The following SYNE1 variants were observed in gnomAD, a reference collection of about 807,000 sequenced individuals.
The protein encoded by SYNE1 is spectrin repeat containing nuclear envelope protein 1, also known as nesprin-1.
In SYNE1, 616 loss-of-function variants were observed where a neutral mutation model predicts 1,111.0. That is an observed-to-expected ratio of 0.55 (90% CI 0.52 to 0.59). The LOEUF (loss-of-function observed/expected upper bound fraction) is 0.59. Among genes scored for constraint, SYNE1 ranks in the 20% least tolerant of loss-of-function variants. The pLI is 0.00. For synonymous variants in SYNE1, 3,855 were observed against 3,825.8 expected, an observed-to-expected ratio of 1.01 and a Z score of -0.28; for missense variants, 10,006 against 10,417.0, an observed-to-expected ratio of 0.96 and a Z score of 1.72.
Position 152,416,911 on chromosome 6 carries a change from C to A in SYNE1, c.5526G>T (p.Leu1842=), listed in dbSNP as rs757981824. ...GGAAGCAGTCCTCAGCCTTTCCCTG[C>A]AGGAGGTGGAGGTCCTCAGCACGGC... ...SLGRAEDLHL[L]QGKAEDCFQL... is the part of the protein sequence containing the mutation. The change falls in exon 41 of 146, where the codon CTG becomes CTT. Residue 1842 remains leucine, a synonymous_variant. Coordinates refer to ENST00000367255, the MANE Select transcript of SYNE1 (RefSeq NM_182961.4). 3.1e-6 allele frequency: 5 copies of A among 1,613,992 alleles called. No homozygotes were observed. The highest frequency in any genetic ancestry group is 1.1e-5 in the South Asian group (1 of 91,060).
At position 152,224,575 on chromosome 6, in the gene SYNE1, C is replaced by T. The variant is rs746811402; in HGVS notation, c.21441G>A (p.Met7147Ile). The T allele has an allele frequency of 6.2e-7, 1 of 1,613,958 alleles. No individual in the cohort carries two copies. The highest frequency in any genetic ancestry group is 8.5e-7 in the Non-Finnish European group (1 of 1,179,946). Residue 7147 changes from methionine to isoleucine, a missense_variant, in exon 117 of 146, where the codon ATG (methionine) becomes ATA (isoleucine). Transcript: ENST00000367255. Reference protein sequence around the residue: ...VAFDKINSYLMEARYSLSRFR... With the variant: ...VAFDKINSYLIEARYSLSRFR... ...ATCGGGAAAGAGAGTATCTGGCCTCCATGAGGTAACTGTTTATCTTGTCAA... is the reference window on the plus strand; with the variant it reads ...ATCGGGAAAGAGAGTATCTGGCCTCTATGAGGTAACTGTTTATCTTGTCAA...
chr6:152,598,495 T>C (rs2099588243), intron 3 of SYNE1, among the ~76,000 whole-genome samples: 1 of 152,244 alleles, frequency 6.6e-6, no homozygotes, highest in Non-Finnish European at 1.5e-5. Context: ...ACAATTCTTC[T>C]TTAAGTAATT....
rs142251671 is a variant in SYNE1 at position 152,278,182 on chromosome 6, G to A, written c.18480C>T (p.Asp6160=). 91 of 1,613,996 alleles carry A rather than the reference G, an allele frequency of 5.6e-5. No individual in the cohort carries two copies. The highest frequency in any genetic ancestry group is 5.3e-4 in the African/African-American group (40 of 74,900). Residue 6160 remains aspartate (D), a synonymous_variant, in exon 98 of 146, where the codon GAC becomes GAT. Transcript: ENST00000367255. ...LLLEGKAHTK[D]EAEQLAGKLR... is the part of the protein sequence containing the mutation. ...GCTTTCCAGCCAGCTGCTCGGCCTC[G>A]TCCTTGGTGTGAGCTTTGCCCTCCA...
intron 112 of SYNE1, among the ~76,000 whole-genome samples, chr6:152,232,933 G>C (rs1289825277): frequency 1.3e-5 from 2 of 152,194 alleles, no homozygotes; most frequent in African/African-American, 2.4e-5. Context: ...TGCCCTCTGG[G>C]GGCGCACAGC....
chr6:152,412,689 T>C (rs1268926130), intron 42 of SYNE1, among the ~76,000 whole-genome samples: 1 of 152,106 alleles, frequency 6.6e-6, no homozygotes, highest in Non-Finnish European at 1.5e-5. Flanking sequence ...ACTGATAGCA[T>C]TGCGTATGAA....
intron 3 of SYNE1, among the ~76,000 whole-genome samples, chr6:152,558,182 G>GA (rs2099378879): frequency 6.6e-6 from 1 of 151,872 alleles, no homozygotes; most frequent in African/African-American, 2.4e-5. Context: ...TTACCACAAA[G>GA]AAAAAATCTG....
intron 75 of SYNE1, 125 bp downstream of exon 75, chr6:152,339,116 G>T: frequency 8.0e-7 from 1 of 1,254,664 alleles, no homozygotes; most frequent in African/African-American, 1.5e-5. Context: ...TATTATAATG[G>T]CTGTAGAACC....
chr6:152,531,367 G>A (rs898108395), intron 4 of SYNE1, among the ~76,000 whole-genome samples: 8 of 152,140 alleles, frequency 5.3e-5, no homozygotes, highest in African/African-American at 1.9e-4. Context: ...TACATTGGTG[G>A]GTAGAGGACA....
intron 107 of SYNE1, among the ~76,000 whole-genome samples, chr6:152,241,500 C>CTGTGTGTG (rs1231628952): frequency 0.088 from 6,502 of 74,102 alleles, 240 homozygotes; most frequent in Non-Finnish European, 0.1. Context: ...AATGCAAGAG[C>CTGTGTGTG]TGTGTGTGTG....
chr6:152,152,081 G>A lies in SYNE1; in HGVS notation c.24190C>T (p.Arg8064Cys), dbSNP rs753271124. 2.5e-6 allele frequency: 4 copies of A among 1,614,148 alleles called. No individual in the cohort carries two copies. Among genetic ancestry groups the A allele is most frequent in the East Asian group, 2.2e-5 (1 of 44,886 alleles). ...TQLELINKQY[R>C]RLARENRTDS... ...GTGCGGTTCTCCCTGGCCAGGCGGC[G>A]GTACTGCTTGTTGATCAGTTCCAGC... is the stretch of plus-strand genomic sequence containing the variant. Residue 8064 changes from arginine to cysteine, a missense_variant, in exon 134 of 146, where the codon CGC becomes TGC. Physicochemically the swap from Arg to Cys is radical, Grantham distance 180. Transcript: ENST00000367255.
At chr6:152,175,802 T>G (rs1464438680) in intron 130 of SYNE1, among the ~76,000 whole-genome samples, 1 of 152,188 alleles carries the variant, frequency 6.6e-6, no homozygotes, top group Non-Finnish European at 1.5e-5. Context: ...TTTTTCTTTT[T>G]GACTTTCATC....
intron 3 of SYNE1, among the ~76,000 whole-genome samples, chr6:152,599,896 G>T (rs957792704): frequency 6.6e-6 from 1 of 152,188 alleles, no homozygotes; most frequent in Non-Finnish European, 1.5e-5. Flanking sequence ...TACATGAAAT[G>T]ATATCTGGTA....
chr6:152,498,341 C>T (rs866986579), intron 11 of SYNE1, among the ~76,000 whole-genome samples: 2 of 152,214 alleles, frequency 1.3e-5, no homozygotes, highest in Non-Finnish European at 2.9e-5. Context: ...TGATCGAATA[C>T]TTACCTTGTT....
At chr6:152,410,540 G>C (rs762356799) in intron 42 of SYNE1, 5 of 152,244 alleles carry the variant, frequency 3.3e-5, no homozygotes, top group Non-Finnish European at 7.3e-5. Context: ...TTCGAGACCA[G>C]CCTGGCCAAC....
chr6:152,396,869 G>T lies in SYNE1; in HGVS notation c.7462C>A (p.Gln2488Lys), dbSNP rs756083446. 1.2e-6 allele frequency: 2 copies of T among 1,614,124 alleles called. No homozygotes were observed. The highest frequency in any genetic ancestry group is 1.1e-5 in the South Asian group (1 of 91,086). ...AACTCTTCATTGGCCTTTGTGATTT[G>T]TTCTTGAATGCTACTGACAATTTGT... ...SKQIVSSIQE[Q>K]ITKANEEFQA... Residue 2488 changes from glutamine to lysine, a missense_variant, in exon 50 of 146, where the codon CAA becomes AAA. Physicochemically the swap from Gln to Lys is moderately conservative, Grantham distance 53. Coordinates refer to ENST00000367255, the MANE Select transcript of SYNE1 (RefSeq NM_182961.4).
intron 15 of SYNE1, chr6:152,472,058 T>A: frequency 1.7e-6 from 1 of 597,214 alleles, no homozygotes; most frequent in South Asian, 2.1e-5. Flanking sequence ...TGAACAAAAA[T>A]ACAGCCTCTG....
chr6:152,135,430 T>C (rs2152740365), intron 141 of SYNE1, among the ~76,000 whole-genome samples, 198 bp from the exon 142 acceptor site: 1 of 152,330 alleles, frequency 6.6e-6, no homozygotes, highest in South Asian at 2.1e-4. Context: ...TCTAATTTAT[T>C]ACTTGGAGGA....
intron 129 of SYNE1, among the ~76,000 whole-genome samples, chr6:152,178,551 A>G (rs1397606099): frequency 6.6e-6 from 1 of 152,242 alleles, no homozygotes; most frequent in Non-Finnish European, 1.5e-5. Context: ...TTAATAGTAC[A>G]TGTTGGCTTT....
At chr6:152,204,829 A>G (rs566486168) in intron 126 of SYNE1, among the ~76,000 whole-genome samples, 1 of 152,290 alleles carries the variant, frequency 6.6e-6, no homozygotes, top group African/African-American at 2.4e-5. Flanking sequence ...AGAAAAGCAA[A>G]TGTAGTGACT....
Sources: gnomAD v4.1 joint callset for allele counts (sites outside exome capture counted in the v4.1 genomes callset) on GRCh38, gnomAD v4.1.1 for gene constraint, MANE v1.5 for transcripts, NCBI Gene and HGNC (gene_info 2026-07-23, HGNC 2026-07-21) for gene names.